The following ME3 variants were observed in gnomAD, a reference collection of about 807,000 sequenced individuals.
The protein encoded by ME3 is NADP-dependent malic enzyme, mitochondrial.
Under a neutral mutation model 68.9 loss-of-function variants are expected in ME3, and 48 were observed. The observed-to-expected ratio is 0.70, with a 90% CI of 0.55 to 0.89. The LOEUF (loss-of-function observed/expected upper bound fraction) is 0.89, where lower values mean the gene tolerates loss of function less well. Ranked by LOEUF, ME3 falls within the 40% of genes least tolerant of loss-of-function variation. The pLI, the probability that ME3 is intolerant of heterozygous loss-of-function variation, is 0.00. For synonymous variants in ME3, 320 were observed against 318.8 expected, an observed-to-expected ratio of 1.00 and a Z score of -0.04; for missense variants, 675 against 797.4, an observed-to-expected ratio of 0.85 and a Z score of 1.85.
chr11:86,526,937 C>A (rs1471153752), intron 4 of ME3, among the ~76,000 whole-genome samples: 3 of 152,202 alleles, frequency 2.0e-5, no homozygotes, highest in Middle Eastern at 3.2e-3. Flanking sequence ...GAAAAACTGG[C>A]AACTCTAAAA....
At chr11:86,553,834 C>A (rs958629706) in intron 4 of ME3, among the ~76,000 whole-genome samples, 1 of 152,160 alleles carries the variant, frequency 6.6e-6, no homozygotes, top group African/African-American at 2.4e-5. Context: ...GGAGCTGCAA[C>A]GACATCCCAC....
chr11:86,566,869 G>A (rs180777326), intron 2 of ME3, among the ~76,000 whole-genome samples: 3 of 152,134 alleles, frequency 2.0e-5, no homozygotes, highest in African/African-American at 7.2e-5. Flanking sequence ...TTGGTGAGAC[G>A]GACCTCAGAA....
At chr11:86,639,863 C>G (rs1944558760) in intron 2 of ME3, among the ~76,000 whole-genome samples, 3 of 152,214 alleles carry the variant, frequency 2.0e-5, no homozygotes, top group Admixed American at 2.0e-4. Context: ...AATTGGGACA[C>G]AGTCTTCCAA....
intron 2 of ME3, among the ~76,000 whole-genome samples, chr11:86,625,390 G>A (rs1330449578): frequency 6.6e-6 from 1 of 151,744 alleles, no homozygotes; most frequent in Non-Finnish European, 1.5e-5. Flanking sequence ...CAAAATACAG[G>A]AACAATGATG....
chr11:86,667,451 G>A (rs1415561560), intron 2 of ME3, among the ~76,000 whole-genome samples: 1 of 152,188 alleles, frequency 6.6e-6, no homozygotes, highest in Non-Finnish European at 1.5e-5. Context: ...ATTTATTTAG[G>A]CAGCAAGAGC....
chr11:86,480,506 G>A (rs1951339140), intron 7 of ME3, among the ~76,000 whole-genome samples: 1 of 152,148 alleles, frequency 6.6e-6, no homozygotes, highest in African/African-American at 2.4e-5. Context: ...CCTAACTAAT[G>A]AGTTTGCCAT....
At chr11:86,600,639 C>T (rs1250307003) in intron 2 of ME3, among the ~76,000 whole-genome samples, 5 of 151,850 alleles carry the variant, frequency 3.3e-5, no homozygotes, top group Non-Finnish European at 4.4e-5. Context: ...CCCAAATCAA[C>T]AGAATATACA....
At chr11:86,455,168 G>A (rs1016789110) in intron 8 of ME3, among the ~76,000 whole-genome samples, 8 of 152,188 alleles carry the variant, frequency 5.3e-5, no homozygotes, top group African/African-American at 1.9e-4. Flanking sequence ...GGTCTGCAAA[G>A]TACACAGTGT....
At chr11:86,648,957 T>C (rs111604465) in intron 2 of ME3, among the ~76,000 whole-genome samples, 100 of 152,328 alleles carry the variant, frequency 6.6e-4, no homozygotes, top group Middle Eastern at 6.8e-3. Context: ...GACTCTGCCC[T>C]GTTTTTATGA....
intron 2 of ME3, among the ~76,000 whole-genome samples, chr11:86,635,192 G>A (rs1442576429): frequency 6.6e-6 from 1 of 152,228 alleles, no homozygotes; most frequent in African/African-American, 2.4e-5. Flanking sequence ...TCAGGAGGCT[G>A]AAGTGGGAGG....
intron 2 of ME3, among the ~76,000 whole-genome samples, chr11:86,592,184 A>G (rs2139671516): frequency 6.6e-6 from 1 of 152,310 alleles, no homozygotes; most frequent in East Asian, 1.9e-4. Context: ...GGGCACTGTG[A>G]CAATGATGGC....
intron 2 of ME3, among the ~76,000 whole-genome samples, chr11:86,632,538 G>A (rs918975795): frequency 2.6e-5 from 4 of 152,218 alleles, no homozygotes; most frequent in African/African-American, 7.2e-5. Flanking sequence ...TATTGCTGAA[G>A]ACCCTGCCTC....
chr11:86,635,774 C>A (rs190434798), intron 2 of ME3, among the ~76,000 whole-genome samples: 2 of 152,276 alleles, frequency 1.3e-5, no homozygotes, highest in Non-Finnish European at 2.9e-5. Flanking sequence ...CTGTGATATT[C>A]TGTTACAGCA....
chr11:86,655,664 T>G (rs921284736), intron 2 of ME3, among the ~76,000 whole-genome samples: 2 of 151,606 alleles, frequency 1.3e-5, no homozygotes, highest in South Asian at 4.2e-4. Context: ...AACCTAGGCA[T>G]TACCATTCAG....
intron 2 of ME3, among the ~76,000 whole-genome samples, chr11:86,580,292 A>G (rs563166983): frequency 3.3e-5 from 5 of 152,332 alleles, no homozygotes; most frequent in South Asian, 2.1e-4. Context: ...AAATGCCTCA[A>G]AATAAATGAT....
chr11:86,552,227 C>T (rs1412507902), intron 4 of ME3, among the ~76,000 whole-genome samples: 15 of 152,180 alleles, frequency 9.9e-5, no homozygotes. Flanking sequence ...TGAGGAGGTG[C>T]TAAATTAATT....
chr11:86,450,734 T>G (rs1204817353), intron 8 of ME3, among the ~76,000 whole-genome samples: 2 of 152,158 alleles, frequency 1.3e-5, no homozygotes, highest in African/African-American at 4.8e-5. Context: ...CATAGAATTA[T>G]ATAAGGGCTA....
At chr11:86,545,834 A>C (rs542864831) in intron 4 of ME3, among the ~76,000 whole-genome samples, 1 of 152,328 alleles carries the variant, frequency 6.6e-6, no homozygotes, top group East Asian at 1.9e-4. Context: ...ATATGGAAAC[A>C]AAAAAGAGCC....
chr11:86,616,258 T>A (rs1240005366), intron 2 of ME3, among the ~76,000 whole-genome samples: 4 of 152,230 alleles, frequency 2.6e-5, no homozygotes, highest in African/African-American at 7.2e-5. Flanking sequence ...CATAAATAAT[T>A]GTAAAGAGAT....
Sources: allele counts gnomAD v4.1 joint callset (sites outside exome capture counted in the v4.1 genomes callset), GRCh38; gene constraint gnomAD v4.1.1; transcripts MANE v1.5; gene names NCBI Gene and HGNC (gene_info 2026-07-23, HGNC 2026-07-21).